CDH4: variants seen among roughly 807,000 people sequenced by gnomAD.
CDH4 encodes cadherin-4.
A neutral mutation model predicts 86.0 loss-of-function variants in CDH4; 33 were observed. That is an observed-to-expected ratio of 0.38 (90% CI 0.29 to 0.51). The LOEUF (loss-of-function observed/expected upper bound fraction) is 0.51, where lower values mean the gene tolerates loss of function less well. Ranked by LOEUF, CDH4 falls within the 20% of genes least tolerant of loss-of-function variation. The pLI is 0.86. For synonymous variants in CDH4, 555 were observed against 549.4 expected (o/e 1.01, Z -0.14); for missense variants, 1,114 against 1,307.4 (o/e 0.85, Z 2.28).
rs6121766 is a variant in CDH4, at chr20:61,703,725, G to A, written c.170-39838G>A. The stretch of plus-strand genomic sequence containing the variant: ...TGATGAGGTGGCTCCACTCGGGGCA[G>A]GGTTGAGGCTTTCTGTGTCTGCATC... On this transcript the variant is annotated intron_variant, in intron 2 of 15. Transcript: ENST00000614565. The surrounding 1 kb of genome is among the most constrained non-coding windows in gnomAD (Gnocchi z 4.3). 0.012 allele frequency among the ~76,000 whole-genome samples: 1,902 copies of A among 152,348 alleles called. 34 individuals are homozygous for A. The highest frequency in any genetic ancestry group is 0.043 in the African/African-American group (1,807 of 41,582).
At chr20:61,454,439 A>G (rs941878112) in intron 2 of CDH4, among the ~76,000 whole-genome samples, 1 of 151,840 alleles carries the variant, frequency 6.6e-6, no homozygotes, top group African/African-American at 2.4e-5. Flanking sequence ...ACAGGGAGGG[A>G]GGGGCATTTT....
At chr20:61,801,666 T>C (rs998912404) in intron 4 of CDH4, among the ~76,000 whole-genome samples, 1 of 143,686 alleles carries the variant, frequency 7.0e-6, no homozygotes, top group East Asian at 2.0e-4. Flanking sequence ...TCCTGCCCTT[T>C]CCCGTTTCTA....
At chr20:61,445,327 T>A (rs1235841357) in intron 2 of CDH4, among the ~76,000 whole-genome samples, 1 of 152,008 alleles carries the variant, frequency 6.6e-6, no homozygotes, top group African/African-American at 2.4e-5. Flanking sequence ...GTGCTCAGAG[T>A]CTGACTCCGA....
intron 1 of CDH4, among the ~76,000 whole-genome samples, chr20:61,254,120 G>A (rs1373163753): frequency 6.6e-6 from 1 of 152,238 alleles, no homozygotes. Context: ...AGCTCCGGAG[G>A]ACAGGAGGAG....
In CDH4 at chr20:61,336,844, C is replaced by T. The variant is rs952978356; in HGVS notation, c.169+81907C>T. On this transcript the variant is annotated intron_variant, in intron 2 of 15. Transcript: ENST00000614565. ...CTGAGACGTGTTCCTTCCTATCTCTCTTCTCTTGAAACAATACCTGCCCAG... is the reference window on the plus strand; with the variant it reads ...CTGAGACGTGTTCCTTCCTATCTCTTTTCTCTTGAAACAATACCTGCCCAG... Among the ~76,000 whole-genome samples the T allele has an allele frequency of 4.6e-5, 7 of 152,296 alleles. No homozygotes were observed. The South Asian group carries it at 1.5e-3, about 32-fold the overall frequency.
chr20:61,715,309 T>C (rs531892973), intron 2 of CDH4, among the ~76,000 whole-genome samples: 1 of 152,336 alleles, frequency 6.6e-6, no homozygotes, highest in East Asian at 1.9e-4. Flanking sequence ...TATGAGTCCT[T>C]TGTTGGATGC....
chr20:61,638,587 C>A (rs2086973200), intron 2 of CDH4, among the ~76,000 whole-genome samples: 1 of 152,076 alleles, frequency 6.6e-6, no homozygotes, highest in Non-Finnish European at 1.5e-5. Flanking sequence ...TGGTAGTTCC[C>A]AGGGTATTGG....
chr20:61,444,966 T>C (rs116324784), intron 2 of CDH4, among the ~76,000 whole-genome samples: 4,330 of 152,202 alleles, frequency 0.028, 212 homozygotes, highest in African/African-American at 0.099. Flanking sequence ...TATATGTGTG[T>C]GGGTTTCTTT....
At chr20:61,499,008 G>T (rs2085681466) in intron 2 of CDH4, among the ~76,000 whole-genome samples, 1 of 152,206 alleles carries the variant, frequency 6.6e-6, no homozygotes, top group African/African-American at 2.4e-5. Flanking sequence ...TTGAGTAGGA[G>T]ATGGGGGCGT....
intron 13 of CDH4, 31 bp downstream of exon 13, chr20:61,929,873 G>A (rs1394362789): frequency 1.3e-6 from 2 of 1,572,536 alleles, no homozygotes; most frequent in Non-Finnish European, 1.7e-6. Context: ...GGGTGGGCAG[G>A]GGCATTGTGG....
Position 61,936,997 on chromosome 20 carries a change from C to G in CDH4, c.*54C>G. On this transcript the variant is annotated 3_prime_UTR_variant, in exon 16 of 16. Coordinates refer to ENST00000614565, the MANE Select transcript of CDH4 (RefSeq NM_001794.5). Reference sequence around the variant, plus strand: ...GAGCCGTGCTCGGACGCCGGAGGAGCAGGACTGAGCAGAGGCGGCCGGTCT... The same window carrying G: ...GAGCCGTGCTCGGACGCCGGAGGAGGAGGACTGAGCAGAGGCGGCCGGTCT... 5.5e-6 allele frequency: 8 copies of G among 1,463,114 alleles called. No homozygotes were observed. The South Asian group carries it at 9.5e-5, about 17-fold the overall frequency. The allele number at this position is 1,463,114 out of a possible 1,614,324, so 90.6% of individuals were successfully genotyped here. A position where few individuals can be genotyped will look rare whatever the true frequency, so the allele number is the denominator to read the frequency against.
At chr20:61,572,988 AGACGGACG>A (rs374461378) in intron 2 of CDH4, among the ~76,000 whole-genome samples, 3 of 145,094 alleles carry the variant, frequency 2.1e-5, no homozygotes, top group Non-Finnish European at 4.4e-5. Flanking sequence ...ATGGACGGAT[AGACGGACG>A]GACGGATGGA....
intron 4 of CDH4, among the ~76,000 whole-genome samples, chr20:61,789,862 G>C (rs921256388): frequency 9.9e-5 from 15 of 152,200 alleles, no homozygotes; most frequent in Non-Finnish European, 2.1e-4. Context: ...CTATAAATAA[G>C]TAGCTAGGTG....
intron 2 of CDH4, among the ~76,000 whole-genome samples, chr20:61,525,136 C>T (rs183407521): frequency 6.6e-6 from 1 of 152,300 alleles, no homozygotes; most frequent in Non-Finnish European, 1.5e-5. Context: ...GCATGATTCC[C>T]GGGTTTTATC....
intron 2 of CDH4, among the ~76,000 whole-genome samples, chr20:61,653,882 A>G (rs538921732): frequency 3.3e-5 from 4 of 122,440 alleles, no homozygotes; most frequent in East Asian, 4.6e-4. Context: ...CCGGGCAGAG[A>G]CGCTCCTCAC....
intron 3 of CDH4, among the ~76,000 whole-genome samples, chr20:61,772,375 A>T (rs2088785070): frequency 6.6e-6 from 1 of 152,244 alleles, no homozygotes. Flanking sequence ...ACAGGTAAAA[A>T]GGATATATTA....
intron 2 of CDH4, among the ~76,000 whole-genome samples, chr20:61,580,924 C>G (rs1019649286): frequency 6.6e-6 from 1 of 152,136 alleles, no homozygotes; most frequent in Non-Finnish European, 1.5e-5. Context: ...CAGCAGGACC[C>G]GAGGACCTGA....
At chr20:61,737,134 C>T (rs1162564475) in intron 2 of CDH4, among the ~76,000 whole-genome samples, 3 of 152,096 alleles carry the variant, frequency 2.0e-5, no homozygotes, top group Non-Finnish European at 4.4e-5. Context: ...GGATGCTGGC[C>T]CTGGGGGCTG....
intron 2 of CDH4, among the ~76,000 whole-genome samples, chr20:61,720,197 G>C (rs918412138): frequency 6.6e-6 from 1 of 152,118 alleles, no homozygotes; most frequent in African/African-American, 2.4e-5. Context: ...TTGGGCGAAC[G>C]TTGGTGGTGA....
Sources: allele counts gnomAD v4.1 joint callset (sites outside exome capture counted in the v4.1 genomes callset), GRCh38; gene constraint gnomAD v4.1.1; non-coding constraint Gnocchi (gnomAD v3.1); transcripts MANE v1.5; gene names NCBI Gene and HGNC (gene_info 2026-07-23, HGNC 2026-07-21).